The following KLHL14 variants were observed in gnomAD, a reference collection of about 807,000 sequenced individuals.
KLHL14 encodes kelch like family member 14, also known as kelch-like protein 14.
In KLHL14, 22 loss-of-function variants were observed where a neutral mutation model predicts 64.3. The observed-to-expected ratio is 0.34, with a 90% CI of 0.24 to 0.49. The LOEUF is 0.49. KLHL14 is among the 20% of genes least tolerant of loss of function. The probability of loss-of-function intolerance (pLI) is 0.99; values close to 1 mark genes in which losing one functional copy is unlikely to be tolerated. For missense variants in KLHL14, 661 were observed against 789.0 expected (o/e 0.84, Z 1.94); for synonymous variants, 322 against 333.4 (o/e 0.97, Z 0.37).
chr18:32,677,391 C>A, intron 7 of KLHL14, 61 bp from the exon 8 acceptor site: 1 of 1,449,770 alleles, frequency 6.9e-7, no homozygotes. Flanking sequence ...CAATTTAAGG[C>A]TAGGGCTTCT....
intron 3 of KLHL14, 101 bp from the exon 4 acceptor site, chr18:32,695,653 G>C: frequency 1.4e-6 from 1 of 720,752 alleles, no homozygotes; most frequent in Non-Finnish European, 2.4e-6. Flanking sequence ...CATAAAATGT[G>C]AGACTGAGTC....
At chr18:32,751,867 C>T (rs546418335) in intron 2 of KLHL14, among the ~76,000 whole-genome samples, 1 of 152,200 alleles carries the variant, frequency 6.6e-6, no homozygotes, top group African/African-American at 2.4e-5. Context: ...TGTCTCATGC[C>T]TGTAATCCCA....
At chr18:32,756,290 C>T (rs1194354765) in intron 2 of KLHL14, among the ~76,000 whole-genome samples, 2 of 152,190 alleles carry the variant, frequency 1.3e-5, no homozygotes, top group Non-Finnish European at 2.9e-5. Flanking sequence ...GGAAGAGAGG[C>T]TCCGCAGAAA....
Position 32,680,071 on chromosome 18 carries a change from C to T in KLHL14, c.1588+98G>A. On this transcript the variant is annotated intron_variant, in intron 7 of 8. Transcript: ENST00000359358. The surrounding 1 kb of genome is among the most constrained non-coding windows in gnomAD (Gnocchi z 4.8). Reference sequence around the variant, plus strand: ...TTTTATTAGGTCAACATGTTTTTTACTTGGTTAACTATGATTATCTAAGGA... The same window carrying T: ...TTTTATTAGGTCAACATGTTTTTTATTTGGTTAACTATGATTATCTAAGGA... 8.2e-7 allele frequency: 1 copy of T among 1,214,742 alleles called. No homozygotes were observed. Among genetic ancestry groups the T allele is most frequent in the South Asian group, 1.5e-5 (1 of 65,406 alleles). The allele number at this position is 1,214,742 out of a possible 1,614,324, so 75.2% of individuals were successfully genotyped here.
At chr18:32,722,260 C>T (rs7230199) in intron 3 of KLHL14, among the ~76,000 whole-genome samples, 44,690 of 151,962 alleles carry the variant, frequency 0.29, 6,807 homozygotes, top group African/African-American at 0.37. Flanking sequence ...CATTTTCCTT[C>T]AGCATTTTAT....
intron 3 of KLHL14, among the ~76,000 whole-genome samples, chr18:32,700,255 G>A (rs1196025746): frequency 6.6e-6 from 1 of 152,192 alleles, no homozygotes; most frequent in Non-Finnish European, 1.5e-5. Context: ...TCAATTGGAT[G>A]TGACATTTGT....
chr18:32,714,395 A>G (rs1160687970), intron 3 of KLHL14, among the ~76,000 whole-genome samples: 1 of 152,170 alleles, frequency 6.6e-6, no homozygotes, highest in African/African-American at 2.4e-5. Flanking sequence ...CAAGTTGCCC[A>G]CTTCCTGATA....
intron 3 of KLHL14, among the ~76,000 whole-genome samples, chr18:32,721,515 C>T (rs913944065): frequency 6.6e-6 from 1 of 152,186 alleles, no homozygotes; most frequent in Non-Finnish European, 1.5e-5. Flanking sequence ...TTGATATCTA[C>T]ACTCACTGAG....
intron 3 of KLHL14, among the ~76,000 whole-genome samples, chr18:32,715,746 A>C (rs1334252237): frequency 6.6e-6 from 1 of 152,170 alleles, no homozygotes; most frequent in Non-Finnish European, 1.5e-5. Flanking sequence ...TGTCATCTTA[A>C]CCTAGATCCT....
intron 2 of KLHL14, 33 bp downstream of exon 2, chr18:32,769,612 C>T (rs568688795): frequency 7.9e-6 from 9 of 1,139,644 alleles, no homozygotes; most frequent in South Asian, 6.2e-5. Flanking sequence ...CTCTACCCCC[C>T]CCTCCCCCGC....
At chr18:32,761,393 CTTTT>C (rs10676001) in intron 2 of KLHL14, among the ~76,000 whole-genome samples, 1 of 127,086 alleles carries the variant, frequency 7.9e-6, no homozygotes, top group Non-Finnish European at 1.6e-5. Flanking sequence ...GCCACACATC[CTTTT>C]TTTTTTTTTT....
chr18:32,738,668 A>G (rs1172862360), intron 3 of KLHL14: 1 of 152,180 alleles, frequency 6.6e-6, no homozygotes, highest in African/African-American at 2.4e-5. Flanking sequence ...AGTCTGTGCC[A>G]GCATGTTACC....
chr18:32,720,615 A>G (rs1329367372), intron 3 of KLHL14, among the ~76,000 whole-genome samples: 1 of 152,166 alleles, frequency 6.6e-6, no homozygotes, highest in Admixed American at 6.5e-5. Context: ...CACAAGGATG[A>G]ATGTTCAGGA....
chr18:32,700,962 T>C (rs935474504), intron 3 of KLHL14, among the ~76,000 whole-genome samples: 1 of 151,934 alleles, frequency 6.6e-6, no homozygotes, highest in African/African-American at 2.4e-5. Context: ...AGGTTTGAAA[T>C]GTGTGAAGGA....
At chr18:32,674,860 C>T (rs1252721250) in intron 8 of KLHL14, 63 bp from the exon 9 acceptor site, 11 of 725,530 alleles carry the variant, frequency 1.5e-5, no homozygotes, top group Non-Finnish European at 2.0e-5. Flanking sequence ...GGCAATGTTA[C>T]TGATCATATT....
chr18:32,684,993 C>T (rs529961068), intron 5 of KLHL14, among the ~76,000 whole-genome samples: 8 of 152,064 alleles, frequency 5.3e-5, no homozygotes, highest in Admixed American at 3.3e-4. Context: ...TCCCACTCAG[C>T]GCTGTAAGGA....
intron 2 of KLHL14, among the ~76,000 whole-genome samples, chr18:32,748,202 C>T (rs2050233249): frequency 6.6e-6 from 1 of 152,046 alleles, no homozygotes; most frequent in Non-Finnish European, 1.5e-5. Context: ...CTTTTTGTCA[C>T]TCTTATTTTT....
At chr18:32,706,280 A>G (rs1329540142) in intron 3 of KLHL14, among the ~76,000 whole-genome samples, 1 of 152,118 alleles carries the variant, frequency 6.6e-6, no homozygotes, top group African/African-American at 2.4e-5. Context: ...GCAGTCCGTG[A>G]TCTTAGGAGA....
intron 2 of KLHL14, among the ~76,000 whole-genome samples, chr18:32,751,245 T>A (rs2050249834): frequency 6.6e-6 from 1 of 152,182 alleles, no homozygotes; most frequent in Admixed American, 6.6e-5. Context: ...TCTCTTAAAA[T>A]TTTCCAGCGA....
Sources: allele counts gnomAD v4.1 joint callset (sites outside exome capture counted in the v4.1 genomes callset), GRCh38; gene constraint gnomAD v4.1.1; non-coding constraint Gnocchi (gnomAD v3.1); transcripts MANE v1.5; gene names NCBI Gene and HGNC (gene_info 2026-07-23, HGNC 2026-07-21).